PRKCE: variants seen among roughly 807,000 people sequenced by gnomAD.
PRKCE encodes the protein protein kinase C epsilon type.
In PRKCE, 16 loss-of-function variants were observed where a neutral mutation model predicts 85.4. The ratio of observed to expected loss-of-function variants is 0.19; its 90% CI spans 0.13 to 0.28. The LOEUF (loss-of-function observed/expected upper bound fraction) is 0.28. Ranked by LOEUF, PRKCE falls within the 10% of genes least tolerant of loss-of-function variation. PRKCE has a pLI of 1.00. For missense variants in PRKCE, 573 were observed against 975.2 expected (o/e 0.59, Z 5.49); for synonymous variants, 388 against 371.5 (o/e 1.04, Z -0.51).
intron 11 of PRKCE, among the ~76,000 whole-genome samples, chr2:46,144,748 G>T (rs1046883411): frequency 6.6e-6 from 1 of 152,216 alleles, no homozygotes; most frequent in Non-Finnish European, 1.5e-5. Context: ...AGGGACAGGG[G>T]TAGATGCTTC....
At chr2:45,658,018 C>G (rs1675459329) in intron 1 of PRKCE, among the ~76,000 whole-genome samples, 1 of 152,210 alleles carries the variant, frequency 6.6e-6, no homozygotes, top group Non-Finnish European at 1.5e-5. Context: ...ACATCTCTAT[C>G]TTCAGGACAT....
chr2:46,136,302 T>C (rs1674990767), intron 11 of PRKCE, among the ~76,000 whole-genome samples: 1 of 152,222 alleles, frequency 6.6e-6, no homozygotes, highest in Non-Finnish European at 1.5e-5. Flanking sequence ...TTGTTTCCTA[T>C]TCTTTCTGAT....
intron 10 of PRKCE, among the ~76,000 whole-genome samples, chr2:46,033,557 G>C (rs1045319375): frequency 1.3e-5 from 2 of 152,180 alleles, no homozygotes; most frequent in African/African-American, 4.8e-5. Context: ...GGTGGTTATT[G>C]GCCACGCTTT....
At chr2:46,062,866 T>G (rs2103634973) in intron 10 of PRKCE, among the ~76,000 whole-genome samples, 1 of 152,170 alleles carries the variant, frequency 6.6e-6, no homozygotes, top group South Asian at 2.1e-4. Context: ...TGGGCTCAAG[T>G]GATCCTCCCA....
chr2:46,110,515 G>A (rs527713052), intron 11 of PRKCE, among the ~76,000 whole-genome samples: 31 of 152,132 alleles, frequency 2.0e-4, no homozygotes, highest in African/African-American at 7.0e-4. Flanking sequence ...CTGTTTTCAC[G>A]TTCCCGTGAT....
intron 14 of PRKCE, among the ~76,000 whole-genome samples, chr2:46,170,051 T>A (rs1336823401): frequency 6.6e-6 from 1 of 152,230 alleles, no homozygotes; most frequent in Non-Finnish European, 1.5e-5. Flanking sequence ...TTGCAGGGTT[T>A]TTTAATCAAT....
Position 46,004,481 on chromosome 2 carries a change from C to A in PRKCE, c.967-61C>A. Reference sequence around the variant, plus strand: ...TTATACGGCATCTTGATGCTTTTGACATCAGAAAACTCTCAACCCTCCCTT... The same window carrying A: ...TTATACGGCATCTTGATGCTTTTGAAATCAGAAAACTCTCAACCCTCCCTT... On this transcript the variant is annotated intron_variant, in intron 7 of 14. Coordinates refer to ENST00000306156, the MANE Select transcript of PRKCE (RefSeq NM_005400.3). This position sits in a 1 kb window ranked among gnomAD's most constrained non-coding sequence, Gnocchi z 4.1. 7.5e-7 allele frequency: 1 copy of A among 1,339,084 alleles called. No individual in the cohort carries two copies. Among genetic ancestry groups the A allele is most frequent in the Non-Finnish European group, 1.0e-6 (1 of 966,670 alleles). 83.0% of individuals were successfully genotyped at this position (1,339,084 alleles called of 1,614,324 possible). A position where few individuals can be genotyped will look rare whatever the true frequency, so the allele number is the denominator to read the frequency against.
intron 1 of PRKCE, among the ~76,000 whole-genome samples, chr2:45,743,037 C>A (rs1264320459): frequency 6.6e-6 from 1 of 152,150 alleles, no homozygotes; most frequent in Non-Finnish European, 1.5e-5. Flanking sequence ...ATAAATATTG[C>A]ATGATCTCAT....
intron 13 of PRKCE, among the ~76,000 whole-genome samples, chr2:46,153,900 C>T (rs1676918525): frequency 6.6e-6 from 1 of 151,676 alleles, no homozygotes; most frequent in Non-Finnish European, 1.5e-5. Flanking sequence ...GATTCTCCTG[C>T]CTCAGCCTCC....
rs1667800507 is a variant in PRKCE at position 46,068,357 on chromosome 2, G to A, written c.1438-17851G>A. On this transcript the variant is annotated intron_variant, in intron 10 of 14. Transcript: ENST00000306156. This position sits in a 1 kb window ranked among gnomAD's most constrained non-coding sequence, Gnocchi z 4.3. ...TTGAATTAGGTTTTCTAGAGTAATGGTGCTCACCCACCTTGGTAGTTCAGA... is the reference window on the plus strand; with the variant it reads ...TTGAATTAGGTTTTCTAGAGTAATGATGCTCACCCACCTTGGTAGTTCAGA... Among the ~76,000 whole-genome samples the A allele has an allele frequency of 6.6e-6, 1 of 152,088 alleles. No homozygotes were observed. The highest frequency in any genetic ancestry group is 6.5e-5 in the Admixed American group (1 of 15,270).
At chr2:45,734,825 C>T (rs899608086) in intron 1 of PRKCE, among the ~76,000 whole-genome samples, 11 of 152,356 alleles carry the variant, frequency 7.2e-5, no homozygotes, top group African/African-American at 2.6e-4. Context: ...GAAGCCCCTT[C>T]CTGAGGGCAG....
At position 45,719,690 on chromosome 2, in the gene PRKCE, G is replaced by A. The variant is rs1052550994; in HGVS notation, c.348+67242G>A. On this transcript the variant is annotated intron_variant, in intron 1 of 14. Coordinates refer to ENST00000306156, the MANE Select transcript of PRKCE (RefSeq NM_005400.3). ...CACACATGGCATTTGGATATGGCTT[G>A]GAAGAAATTTTCTCTCCCCCTTTTA... Among the ~76,000 whole-genome samples the A allele has an allele frequency of 5.3e-5, 8 of 152,240 alleles. No homozygotes were observed. The South Asian group carries it at 1.5e-3, about 28-fold the overall frequency.
intron 1 of PRKCE, among the ~76,000 whole-genome samples, chr2:45,779,839 A>C (rs997369606): frequency 1.3e-5 from 2 of 152,210 alleles, no homozygotes; most frequent in Admixed American, 6.5e-5. Flanking sequence ...AAATTCAAAA[A>C]TATATCACAG....
At chr2:45,768,541 A>G (rs1284502573) in intron 1 of PRKCE, among the ~76,000 whole-genome samples, 2 of 152,022 alleles carry the variant, frequency 1.3e-5, no homozygotes, top group Non-Finnish European at 2.9e-5. Context: ...AGGGGGCTCG[A>G]TGGGTAGGGG....
Position 46,117,698 on chromosome 2 carries a change from C to T in PRKCE, c.1593-27395C>T, listed in dbSNP as rs113749636. 6.2e-4 allele frequency among the ~76,000 whole-genome samples: 94 copies of T among 152,324 alleles called. 1 individual carries two copies. The Middle Eastern group carries it at 0.014, about 22-fold the overall frequency. Reference sequence around the variant, plus strand: ...GCTGGGATAGTAATAGTATCTACCTCACGGGATTACTGTGAATATTAAATG... The same window carrying T: ...GCTGGGATAGTAATAGTATCTACCTTACGGGATTACTGTGAATATTAAATG... On this transcript the variant is annotated intron_variant, in intron 11 of 14. Coordinates refer to ENST00000306156, the MANE Select transcript of PRKCE (RefSeq NM_005400.3).
At chr2:45,882,093 T>G (rs1430058291) in intron 2 of PRKCE, among the ~76,000 whole-genome samples, 1 of 152,144 alleles carries the variant, frequency 6.6e-6, no homozygotes, top group East Asian at 1.9e-4. Context: ...AGAAATGAAA[T>G]TAAGGTGTTA....
chr2:45,872,328 C>T (rs1320508444), intron 2 of PRKCE, among the ~76,000 whole-genome samples: 1 of 152,132 alleles, frequency 6.6e-6, no homozygotes, highest in East Asian at 1.9e-4. Flanking sequence ...TGGAACAGAG[C>T]ATGAGGAGGC....
intron 14 of PRKCE, among the ~76,000 whole-genome samples, chr2:46,170,346 T>A (rs1299977867): frequency 6.6e-5 from 10 of 152,242 alleles, no homozygotes; most frequent in Non-Finnish European, 5.9e-5. Context: ...TTTTGAGATT[T>A]GGGACTTATA....
At chr2:45,865,590 A>G (rs1053901800) in intron 2 of PRKCE, among the ~76,000 whole-genome samples, 1 of 152,154 alleles carries the variant, frequency 6.6e-6, no homozygotes, top group African/African-American at 2.4e-5. Flanking sequence ...AAGCCGTGAG[A>G]GAGACTCGCT....
Sources: allele counts gnomAD v4.1 joint callset (sites outside exome capture counted in the v4.1 genomes callset), GRCh38; gene constraint gnomAD v4.1.1; non-coding constraint Gnocchi (gnomAD v3.1); transcripts MANE v1.5; gene names NCBI Gene and HGNC (gene_info 2026-07-23, HGNC 2026-07-21).